Variants in LDLRAD4 observed in about 807,000 individuals in gnomAD.
LDLRAD4 encodes the protein low density lipoprotein receptor class A domain containing 4.
In LDLRAD4, 5 loss-of-function variants were observed where a neutral mutation model predicts 17.0. That is an observed-to-expected ratio of 0.29 (90% CI 0.15 to 0.62). The LOEUF (loss-of-function observed/expected upper bound fraction) is 0.62, where lower values mean the gene tolerates loss of function less well. Ranked by LOEUF, LDLRAD4 falls within the 20% of genes least tolerant of loss-of-function variation. The pLI is 0.84. For synonymous variants in LDLRAD4, 168 were observed against 171.8 expected (o/e 0.98, Z 0.17); for missense variants, 340 against 424.7 (o/e 0.80, Z 1.75).
rs1491536129 is a variant in LDLRAD4 at position 13,610,305 on chromosome 18, T to TC, written c.182-10812_182-10811insC. ...TTTTTTTTTTTTTTTTTTTTTTTTT[T>TC]GAGACGGAGTCTCACTCTGTCGCCC... On this transcript the variant is annotated intron_variant, in intron 3 of 5. Transcript: ENST00000359446. 6.2e-3 allele frequency among the ~76,000 whole-genome samples: 152 copies of TC among 24,364 alleles called. 49 individuals are homozygous for TC. The highest frequency in any genetic ancestry group is 7.6e-3 in the African/African-American group (56 of 7,388). The allele number at this position is 24,364 out of a possible 152,430, so 16.0% of individuals were successfully genotyped here. A position where few individuals can be genotyped will look rare whatever the true frequency, so the allele number is the denominator to read the frequency against.
At chr18:13,529,235 G>A (rs1176338652) in intron 3 of LDLRAD4, among the ~76,000 whole-genome samples, 1 of 152,224 alleles carries the variant, frequency 6.6e-6, no homozygotes, top group African/African-American at 2.4e-5. Context: ...ACTGGCCAAA[G>A]GCCCATGTAC....
intron 1 of LDLRAD4, among the ~76,000 whole-genome samples, chr18:13,362,867 G>A (rs2083766768): frequency 6.6e-6 from 1 of 152,104 alleles, no homozygotes; most frequent in South Asian, 2.1e-4. Context: ...TGCCTATAGA[G>A]AAGAGCTAAA....
chr18:13,225,992 C>CT (rs896560346), intron 1 of LDLRAD4, among the ~76,000 whole-genome samples: 7 of 150,660 alleles, frequency 4.6e-5, no homozygotes, highest in South Asian at 2.1e-4. Context: ...CGTCTTTAAA[C>CT]TTTTTTTTTA....
At chr18:13,356,681 A>T (rs556486720) in intron 1 of LDLRAD4, among the ~76,000 whole-genome samples, 31 of 152,268 alleles carry the variant, frequency 2.0e-4, no homozygotes, top group African/African-American at 7.5e-4. Flanking sequence ...CCGCCCCAGG[A>T]ATCACCTCTG....
intron 1 of LDLRAD4, among the ~76,000 whole-genome samples, chr18:13,337,036 T>C (rs1195447675): frequency 6.6e-6 from 1 of 152,168 alleles, no homozygotes; most frequent in South Asian, 2.1e-4. Context: ...CAAGAGATAC[T>C]GTGATATGGA....
intron 1 of LDLRAD4, among the ~76,000 whole-genome samples, chr18:13,239,101 T>C (rs772268380): frequency 1.3e-5 from 2 of 151,022 alleles, no homozygotes; most frequent in Non-Finnish European, 2.9e-5. Context: ...GCAGGATAAT[T>C]GCTTGAATCT....
intron 1 of LDLRAD4, among the ~76,000 whole-genome samples, chr18:13,229,113 G>C (rs943647554): frequency 2.0e-5 from 3 of 152,242 alleles, no homozygotes; most frequent in Non-Finnish European, 4.4e-5. Flanking sequence ...TGGACCCACC[G>C]AGGAGGCAGC....
At chr18:13,303,675 A>G (rs906831648) in intron 1 of LDLRAD4, among the ~76,000 whole-genome samples, 6 of 152,142 alleles carry the variant, frequency 3.9e-5, no homozygotes, top group African/African-American at 7.2e-5. Flanking sequence ...TATTTTCTAC[A>G]TGAGCTAAAT....
chr18:13,292,948 C>T (rs760309108), intron 1 of LDLRAD4, among the ~76,000 whole-genome samples: 4 of 152,216 alleles, frequency 2.6e-5, no homozygotes, highest in African/African-American at 9.6e-5. Flanking sequence ...GCGGATTCCA[C>T]GAGTTCAGCG....
At chr18:13,638,145 C>T (rs994226114) in intron 4 of LDLRAD4, among the ~76,000 whole-genome samples, 1 of 152,034 alleles carries the variant, frequency 6.6e-6, no homozygotes, top group Non-Finnish European at 1.5e-5. Flanking sequence ...GTGGCACACA[C>T]CTGTAGTCCC....
intron 1 of LDLRAD4, among the ~76,000 whole-genome samples, chr18:13,220,331 C>T (rs1485275240): frequency 1.3e-5 from 2 of 152,222 alleles, no homozygotes; most frequent in Non-Finnish European, 2.9e-5. Context: ...TCTGCTGTTA[C>T]CCTTGGAAGG....
chr18:13,433,859 A>C (rs2090494036), intron 2 of LDLRAD4, among the ~76,000 whole-genome samples: 1 of 152,116 alleles, frequency 6.6e-6, no homozygotes, highest in African/African-American at 2.4e-5. Context: ...CCTCTCGCAC[A>C]TGGTATAACC....
rs139695883 is a variant in LDLRAD4 at position 13,637,637 on chromosome 18, G to A, written c.337-5722G>A. Among the ~76,000 whole-genome samples, 692 of 152,170 alleles carry A rather than the reference G, an allele frequency of 4.5e-3. 7 individuals are homozygous for A. The highest frequency in any genetic ancestry group is 0.016 in the African/African-American group (653 of 41,520). ...TCCTAGCACTTTGGGAGGCCGAGGC[G>A]GGTGGATCACTTGAGGTCAGGAGTT... is the stretch of plus-strand genomic sequence containing the variant. On this transcript the variant is annotated intron_variant, in intron 4 of 5. Coordinates refer to ENST00000359446, the Ensembl canonical transcript of LDLRAD4.
intron 3 of LDLRAD4, among the ~76,000 whole-genome samples, chr18:13,458,079 AAAAGTGTGGT>A (rs1380356263): frequency 6.6e-6 from 1 of 152,042 alleles, no homozygotes; most frequent in Non-Finnish European, 1.5e-5. Context: ...TTTCTTGCTG[AAAAGTGTGGT>A]AAAGGCAAGT....
chr18:13,377,330 G>A (rs561970840), intron 1 of LDLRAD4, among the ~76,000 whole-genome samples: 124 of 152,290 alleles, frequency 8.1e-4, no homozygotes, highest in African/African-American at 3.0e-3. Context: ...GCTGCGTCAC[G>A]TCTGTTTCCA....
chr18:13,275,636 T>G (rs1330365348), upstream of LDLRAD4, among the ~76,000 whole-genome samples: 2 of 152,244 alleles, frequency 1.3e-5, no homozygotes, highest in African/African-American at 2.4e-5. Flanking sequence ...TGTTTGTAAC[T>G]CAAAGGATAA....
At chr18:13,351,662 A>G (rs1382188902) in intron 1 of LDLRAD4, among the ~76,000 whole-genome samples, 1 of 152,214 alleles carries the variant, frequency 6.6e-6, no homozygotes, top group Non-Finnish European at 1.5e-5. Context: ...AGACAGATTC[A>G]CAGCCAAATT....
chr18:13,378,698 A>G (rs2085115155), intron 1 of LDLRAD4, among the ~76,000 whole-genome samples: 1 of 152,094 alleles, frequency 6.6e-6, no homozygotes, highest in Non-Finnish European at 1.5e-5. Flanking sequence ...CTCTTCTACT[A>G]TTCTACCACA....
At chr18:13,466,356 G>A (rs981357269) in intron 3 of LDLRAD4, among the ~76,000 whole-genome samples, 1 of 151,602 alleles carries the variant, frequency 6.6e-6, no homozygotes, top group Non-Finnish European at 1.5e-5. Flanking sequence ...TTTGGTCCCA[G>A]CTACTTGGGA....
Sources: allele counts gnomAD v4.1 joint callset (sites outside exome capture counted in the v4.1 genomes callset), GRCh38; gene constraint gnomAD v4.1.1; transcripts MANE v1.5; gene names NCBI Gene and HGNC (gene_info 2026-07-23, HGNC 2026-07-21).